Variants in IKBKE observed in about 807,000 individuals in gnomAD.
The protein encoded by IKBKE is inhibitor of nuclear factor kappa-B kinase subunit epsilon.
Under a neutral mutation model 92.1 loss-of-function variants are expected in IKBKE, and 45 were observed. The ratio of observed to expected loss-of-function variants is 0.49; its 90% CI spans 0.38 to 0.63. The LOEUF is 0.63. Among genes scored for constraint, IKBKE ranks in the 20% least tolerant of loss-of-function variants. The probability of loss-of-function intolerance (pLI) is 0.00; values close to 1 mark genes in which losing one functional copy is unlikely to be tolerated. For missense variants in IKBKE, 700 were observed against 932.8 expected, an observed-to-expected ratio of 0.75 and a Z score of 3.25; for synonymous variants, 374 against 380.3, an observed-to-expected ratio of 0.98 and a Z score of 0.19.
chr1:206,493,807 G>A (rs916060660), intron 20 of IKBKE, 113 bp from the exon 21 acceptor site: 1 of 751,270 alleles, frequency 1.3e-6, no homozygotes, highest in Middle Eastern at 2.5e-4. Flanking sequence ...AAACAAAAAA[G>A]AATAAAGAGG....
At chr1:206,480,180 G>C in intron 12 of IKBKE, 67 bp downstream of exon 12, 1 of 592,882 alleles carries the variant, frequency 1.7e-6, no homozygotes, top group Non-Finnish European at 2.6e-6. Flanking sequence ...ACAGGAGGGG[G>C]AGTGGGCAGG....
intron 13 of IKBKE, among the ~76,000 whole-genome samples, chr1:206,482,748 T>C (rs1553387466): frequency 6.6e-6 from 1 of 152,204 alleles, no homozygotes; most frequent in East Asian, 1.9e-4. Flanking sequence ...AATGAGAGGG[T>C]TGCATGATCT....
At chr1:206,483,567 T>G (rs1665508755) in intron 13 of IKBKE, among the ~76,000 whole-genome samples, 1 of 152,230 alleles carries the variant, frequency 6.6e-6, no homozygotes, top group Non-Finnish European at 1.5e-5. Context: ...TCTCCTTCCC[T>G]GCTCCTCCAT....
Position 206,493,153 on chromosome 1 carries a change from G to A in IKBKE, c.1932+34G>A. 3 of 1,574,054 alleles carry A rather than the reference G, an allele frequency of 1.9e-6. No homozygotes were observed. The South Asian group carries it at 3.5e-5, about 18-fold the overall frequency. Reference sequence around the variant, plus strand: ...GGCAGAAGGATTCTAGGTGCTCTGGGGATGCAGGCTGGGGCGCTTGTTACC... The same window carrying A: ...GGCAGAAGGATTCTAGGTGCTCTGGAGATGCAGGCTGGGGCGCTTGTTACC... On this transcript the variant is annotated intron_variant, in intron 19 of 21. Coordinates refer to ENST00000581977, the MANE Select transcript of IKBKE (RefSeq NM_014002.4).
intron 5 of IKBKE, among the ~76,000 whole-genome samples, chr1:206,475,737 C>CAAA (rs535787711): frequency 3.2e-5 from 3 of 92,740 alleles, no homozygotes; most frequent in Non-Finnish European, 4.4e-5. Flanking sequence ...ACTCTGTCTC[C>CAAA]AAAAAAAAAA....
rs144382861 is a variant in IKBKE at position 206,493,268 on chromosome 1, C to T, written c.1935C>T (p.Leu645=). The T allele has an allele frequency of 2.1e-4, 337 of 1,613,326 alleles. No homozygotes were observed. The highest frequency in any genetic ancestry group is 2.8e-4 in the Non-Finnish European group (325 of 1,179,526). Residue 645 remains leucine (L), a splice_region_variant and synonymous_variant, in exon 20 of 22, where the codon CTC becomes CTT. Coordinates refer to ENST00000581977, the MANE Select transcript of IKBKE (RefSeq NM_014002.4). ...ACCAAAGTATGGCTTCCCTGCAGCT[C>T]CTGGAAGAGCTATCTCACCAGCTCC... The part of the protein sequence containing the change: ...AQGVQESLSK[L]LEELSHQLLQ...
intron 18 of IKBKE, chr1:206,492,703 C>T (rs782121021): frequency 1.3e-5 from 7 of 534,522 alleles, no homozygotes; most frequent in Admixed American, 6.8e-5. Flanking sequence ...TGTGGGCTAT[C>T]CTCTGCCTCT....
rs782066241 is a variant in IKBKE at position 206,478,215 on chromosome 1, G to A, written c.868G>A (p.Ala290Thr). 6.2e-7 allele frequency: 1 copy of A among 1,614,046 alleles called. No individual in the cohort carries two copies. The highest frequency in any genetic ancestry group is 8.5e-7 in the Non-Finnish European group (1 of 1,180,048). The change falls in exon 9 of 22, where the codon GCC (alanine) becomes ACC (threonine). Residue 290 changes from alanine to threonine, a missense_variant. Transcript: ENST00000581977. The surrounding 1 kb of genome is among the most constrained non-coding windows in gnomAD (Gnocchi z 4.8). Reference protein sequence around the residue: ...ILANILEVEQAKCWGFDQFFA... With the variant: ...ILANILEVEQTKCWGFDQFFA... ...GGCCAACATCCTGGAGGTGGAGCAG[G>A]CCAAGTGCTGGGGCTTCGACCAGTT...
At chr1:206,480,715 G>T (rs1665335789) in intron 13 of IKBKE, among the ~76,000 whole-genome samples, 182 bp downstream of exon 13, 1 of 152,138 alleles carries the variant, frequency 6.6e-6, no homozygotes, top group Admixed American at 6.5e-5. Context: ...TAACTGCAAT[G>T]GCTCCCCCAA....
In IKBKE at chr1:206,480,011, C is replaced by T. The variant is rs781959162; in HGVS notation, c.1249-11C>T. 1 of 1,610,990 alleles carries T rather than the reference C, an allele frequency of 6.2e-7. No homozygotes were observed. The highest frequency in any genetic ancestry group is 8.5e-7 in the Non-Finnish European group (1 of 1,178,780). ...GTGTGGGACCTGGCCCTGTGCATCTCTGTGTTTCAGGGCGTGTTGGGCGCC... is the reference window on the plus strand; with the variant it reads ...GTGTGGGACCTGGCCCTGTGCATCTTTGTGTTTCAGGGCGTGTTGGGCGCC... On this transcript the variant is annotated splice_polypyrimidine_tract_variant and intron_variant, in intron 11 of 21. Coordinates refer to ENST00000581977, the MANE Select transcript of IKBKE (RefSeq NM_014002.4).
At position 206,480,129 on chromosome 1, in the gene IKBKE, G is replaced by A. The variant is rs202134993; in HGVS notation, c.1340+16G>A. 2 of 1,541,382 alleles carry A rather than the reference G, an allele frequency of 1.3e-6. No individual in the cohort carries two copies. The highest frequency in any genetic ancestry group is 4.7e-5 in the East Asian group (2 of 42,526). On this transcript the variant is annotated intron_variant, in intron 12 of 21. Coordinates refer to ENST00000581977, the MANE Select transcript of IKBKE (RefSeq NM_014002.4). ...ACTGGGTCATGTGAGTAATCATGAG[G>A]GCTGGGCACAGAGGGGGAGGCGGGC...
In IKBKE at chr1:206,494,594, T is replaced by G. The variant is rs868963552; in HGVS notation, c.2117+603T>G. Among the ~76,000 whole-genome samples the G allele has an allele frequency of 3.8e-3, 326 of 85,342 alleles. 1 individual carries two copies. Among genetic ancestry groups the G allele is most frequent in the East Asian group, 6.1e-3 (16 of 2,608 alleles). 56.0% of individuals were successfully genotyped at this position (85,342 alleles called of 152,430 possible). On this transcript the variant is annotated intron_variant, in intron 21 of 21. Coordinates refer to ENST00000581977, the MANE Select transcript of IKBKE (RefSeq NM_014002.4). ...TTGCATACCAGTAAAAGTTCTTTCTTTTTTTTTTTTTTTTTTTTTTTTTTT... is the reference window on the plus strand; with the variant it reads ...TTGCATACCAGTAAAAGTTCTTTCTGTTTTTTTTTTTTTTTTTTTTTTTTT...
Position 206,485,262 on chromosome 1 carries a change from C to A in IKBKE, c.1572C>A (p.Asn524Lys). 2 of 1,613,920 alleles carry A rather than the reference C, an allele frequency of 1.2e-6. No homozygotes were observed. The highest frequency in any genetic ancestry group is 2.2e-5 in the South Asian group (2 of 91,076). ...CCCAGGAGAGCCTGAGCAGCCTGAA[C>A]CGGGAGCTGGTGAAGAGCCGGGATC... ...TETQESLSSL[N>K]RELVKSRDQV... The change falls in exon 15 of 22, where the codon AAC (asparagine) becomes AAA (lysine). Residue 524 changes from asparagine to lysine, a missense_variant. Physicochemically the swap from Asn to Lys is moderately conservative, Grantham distance 94. Transcript: ENST00000581977. The surrounding 1 kb of genome is among the most constrained non-coding windows in gnomAD (Gnocchi z 5.0).
chr1:206,485,168 C>T lies in IKBKE; in HGVS notation c.1504-26C>T, dbSNP rs113564994. 227 of 1,573,390 alleles carry T rather than the reference C, an allele frequency of 1.4e-4. 4 individuals are homozygous for T. Among genetic ancestry groups the T allele is most frequent in the African/African-American group, 1.1e-3 (82 of 74,246 alleles). ...ACCAGTGCCCAGGCTGAAGACCCCA[C>T]GGGGGTCTGCCTTTGTGCCCCACAG... On this transcript the variant is annotated intron_variant, in intron 14 of 21. Transcript: ENST00000581977. The surrounding 1 kb of genome is among the most constrained non-coding windows in gnomAD (Gnocchi z 5.0).
Position 206,496,250 on chromosome 1 carries a change from G to C in IKBKE, c.*105G>C. 1.1e-6 allele frequency: 1 copy of C among 914,990 alleles called. No homozygotes were observed. The highest frequency in any genetic ancestry group is 1.8e-5 in the Admixed American group (1 of 55,790). The allele number at this position is 914,990 out of a possible 1,614,324, so 56.7% of individuals were successfully genotyped here. On this transcript the variant is annotated 3_prime_UTR_variant, in exon 22 of 22. Coordinates refer to ENST00000581977, the MANE Select transcript of IKBKE (RefSeq NM_014002.4). ...GGCAAGATCCCATCCCATCACATCA[G>C]CCTACCTCCCTCCTGGCTGCTGGCC...
intron 7 of IKBKE, among the ~76,000 whole-genome samples, chr1:206,477,500 G>C (rs1056534206): frequency 3.1e-5 from 1 of 32,188 alleles, no homozygotes; most frequent in Non-Finnish European, 4.9e-5. Flanking sequence ...CAGGCTGAGG[G>C]AAGTGTAGCG....
At position 206,476,476 on chromosome 1, in the gene IKBKE, T is replaced by C. The variant is rs1665069555; in HGVS notation, c.540+114T>C. On this transcript the variant is annotated intron_variant, in intron 6 of 21. Coordinates refer to ENST00000581977, the MANE Select transcript of IKBKE (RefSeq NM_014002.4). This position sits in a 1 kb window ranked among gnomAD's most constrained non-coding sequence, Gnocchi z 5.1. Reference sequence around the variant, plus strand: ...CCACCTCCTGCTTCCACAGGAGTTATGTCTCTCCCCTGTACCCCAACCAGA... The same window carrying C: ...CCACCTCCTGCTTCCACAGGAGTTACGTCTCTCCCCTGTACCCCAACCAGA... 5 of 1,208,726 alleles carry C rather than the reference T, an allele frequency of 4.1e-6. No individual in the cohort carries two copies. The highest frequency in any genetic ancestry group is 5.9e-6 in the Non-Finnish European group (5 of 844,606). The allele number at this position is 1,208,726 out of a possible 1,614,324, so 74.9% of individuals were successfully genotyped here.
intron 2 of IKBKE, 112 bp from the exon 3 acceptor site, chr1:206,473,084 C>A (rs1930437): frequency 0.45 from 306,420 of 681,774 alleles, 71,799 homozygotes; most frequent in Middle Eastern, 0.58. Flanking sequence ...TGTGGAATGG[C>A]CACATGGAGC....
Position 206,478,031 on chromosome 1 carries a change from C to A in IKBKE, c.813-129C>A. The A allele has an allele frequency of 1.2e-6, 1 of 814,274 alleles. No homozygotes were observed. Among genetic ancestry groups the A allele is most frequent in the South Asian group, 1.6e-5 (1 of 60,718 alleles). The allele number at this position is 814,274 out of a possible 1,614,324, so 50.4% of individuals were successfully genotyped here. ...ACGAGTTCTTCCAGCTCTTCCTCCC[C>A]AACCCACCCTGCCCCACCATCTTGG... On this transcript the variant is annotated intron_variant, in intron 8 of 21. Transcript: ENST00000581977. The surrounding 1 kb of genome is among the most constrained non-coding windows in gnomAD (Gnocchi z 4.8).
Sources: gnomAD v4.1 joint callset for allele counts (sites outside exome capture counted in the v4.1 genomes callset) on GRCh38, gnomAD v4.1.1 for gene constraint, Gnocchi (gnomAD v3.1) non-coding constraint, MANE v1.5 for transcripts, NCBI Gene and HGNC (gene_info 2026-07-23, HGNC 2026-07-21) for gene names.